Variants in CUL4A observed in about 807,000 individuals in gnomAD.
CUL4A encodes the protein cullin-4A.
In CUL4A, 16 loss-of-function variants were observed where a neutral mutation model predicts 95.5. That is an observed-to-expected ratio of 0.17 (90% CI 0.11 to 0.25). The LOEUF (loss-of-function observed/expected upper bound fraction) is 0.25. Among genes scored for constraint, CUL4A ranks in the 10% least tolerant of loss-of-function variants. The probability of loss-of-function intolerance (pLI) is 1.00; values close to 1 mark genes in which losing one functional copy is unlikely to be tolerated. For missense variants in CUL4A, 610 were observed against 937.0 expected (o/e 0.65, Z 4.56); for synonymous variants, 380 against 353.1 (o/e 1.08, Z -0.85).
At chr13:113,249,032 A>G (rs1431193990) in intron 15 of CUL4A, among the ~76,000 whole-genome samples, 1 of 152,140 alleles carries the variant, frequency 6.6e-6, no homozygotes, top group African/African-American at 2.4e-5. Flanking sequence ...GAATTTTTCC[A>G]TCATTCCATT....
chr13:113,210,518 A>G (rs1322211609), intron 2 of CUL4A, among the ~76,000 whole-genome samples: 1 of 152,234 alleles, frequency 6.6e-6, no homozygotes, highest in Admixed American at 6.5e-5. Flanking sequence ...AAAATTCAAA[A>G]TTCAGAAAAA....
At chr13:113,212,928 T>C (rs373657440) in intron 2 of CUL4A, among the ~76,000 whole-genome samples, 5 of 152,198 alleles carry the variant, frequency 3.3e-5, no homozygotes, top group African/African-American at 1.2e-4. Flanking sequence ...AATCAGGGTG[T>C]GTTGGCCCCC....
chr13:113,220,823 G>A (rs2040869303), intron 3 of CUL4A, among the ~76,000 whole-genome samples: 1 of 152,196 alleles, frequency 6.6e-6, no homozygotes. Flanking sequence ...CCCCATGCCT[G>A]ATTTCTACCC....
chr13:113,252,163 G>A (rs996873139), intron 15 of CUL4A, among the ~76,000 whole-genome samples: 1 of 152,210 alleles, frequency 6.6e-6, no homozygotes, highest in Non-Finnish European at 1.5e-5. Flanking sequence ...GGATCCGGGC[G>A]ATGGGAAAGG....
intron 3 of CUL4A, among the ~76,000 whole-genome samples, chr13:113,225,368 A>G (rs1268301132): frequency 2.0e-5 from 3 of 152,216 alleles, no homozygotes; most frequent in Admixed American, 2.0e-4. Flanking sequence ...TAAATGCCAC[A>G]CTGATTTTAG....
chr13:113,219,239 C>T (rs1008837531), intron 3 of CUL4A, 191 bp downstream of exon 3: 2 of 481,528 alleles, frequency 4.2e-6, no homozygotes, highest in Non-Finnish European at 7.3e-6. Context: ...TAAAGGGAAA[C>T]CGTGTTCATT....
chr13:113,208,546 G>T, upstream of CUL4A: 5 of 1,591,896 alleles, frequency 3.1e-6, no homozygotes, highest in Non-Finnish European at 4.3e-6. Flanking sequence ...GGGGACACAC[G>T]GAACACGCCG....
In CUL4A at chr13:113,227,994, T is replaced by A; in HGVS notation, c.387T>A (p.Val129=). The part of the protein sequence containing the change: ...LPFREDSLDS[V]LFLKKINTCW... ...TCTGTACAGACTCACTAGATAGTGT[T>A]TTATTTTTAAAGAAGATTAACACGT... The change falls in exon 4 of 20, where the codon GTT becomes GTA. Residue 129 remains valine, a synonymous_variant. Coordinates refer to ENST00000375440, the MANE Select transcript of CUL4A (RefSeq NM_001008895.4). 1 of 1,612,566 alleles carries A rather than the reference T, an allele frequency of 6.2e-7. No individual in the cohort carries two copies. Among genetic ancestry groups the A allele is most frequent in the Non-Finnish European group, 8.5e-7 (1 of 1,178,528 alleles).
chr13:113,252,258 C>T (rs372922194), intron 15 of CUL4A, among the ~76,000 whole-genome samples: 79 of 152,244 alleles, frequency 5.2e-4, no homozygotes, highest in Non-Finnish European at 8.8e-4. Context: ...GTAAGAAATT[C>T]ACTCAAGGCC....
chr13:113,247,607 G>A (rs1444993754), intron 15 of CUL4A, among the ~76,000 whole-genome samples: 1 of 152,178 alleles, frequency 6.6e-6, no homozygotes, highest in South Asian at 2.1e-4. Flanking sequence ...TCTCATTCCA[G>A]GAGAACTTTG....
chr13:113,254,363 C>G (rs977293880), intron 16 of CUL4A, among the ~76,000 whole-genome samples: 1 of 152,142 alleles, frequency 6.6e-6, no homozygotes, highest in Non-Finnish European at 1.5e-5. Context: ...CCTGGGGAGG[C>G]CGAGGTGGGT....
At chr13:113,208,248 G>A, upstream of CUL4A, 3 of 1,444,828 alleles carry the variant, frequency 2.1e-6, no homozygotes, top group Non-Finnish European at 2.7e-6. Context: ...ACCGCCCACA[G>A]CGGGCCCTCG....
At chr13:113,229,001 G>A (rs1819204) in intron 4 of CUL4A, among the ~76,000 whole-genome samples, 100,223 of 151,422 alleles carry the variant, frequency 0.66, 34,211 homozygotes, top group Middle Eastern at 0.79. Context: ...GGTGGTGGGC[G>A]CCTGTAGTCC....
chr13:113,252,966 A>G, intron 15 of CUL4A, 116 bp from the exon 16 acceptor site: 1 of 543,814 alleles, frequency 1.8e-6, no homozygotes, highest in Non-Finnish European at 3.3e-6. Context: ...GTGTGAGAAT[A>G]TAGAGCTGAC....
rs1416440096 is a variant in CUL4A, at chr13:113,210,040, C to A, written c.216C>A (p.Ala72=). Residue 72 remains alanine (A), a synonymous_variant, in exon 2 of 20, where the codon GCC becomes GCA. Coordinates refer to ENST00000375440, the MANE Select transcript of CUL4A (RefSeq NM_001008895.4). ...GGAAGCTGCACGAGGCGGTGCGGGC[C>A]GTGCAGAGCAGCACCTCCATCAGGT... ...TWRKLHEAVR[A]VQSSTSIRYN... 2 of 1,525,608 alleles carry A rather than the reference C, an allele frequency of 1.3e-6. No individual in the cohort carries two copies. The highest frequency in any genetic ancestry group is 1.2e-5 in the South Asian group (1 of 81,838). 94.5% of individuals were successfully genotyped at this position (1,525,608 alleles called of 1,614,324 possible).
upstream of CUL4A, chr13:113,208,410 AG>A: frequency 6.8e-7 from 1 of 1,480,376 alleles, no homozygotes; most frequent in Admixed American, 2.2e-5. Flanking sequence ...CCTGCAGGGG[AG>A]AACTCGGGCC....
intron 6 of CUL4A, 31 bp downstream of exon 6, chr13:113,233,370 G>A: frequency 6.3e-7 from 1 of 1,590,156 alleles, no homozygotes; most frequent in Non-Finnish European, 8.6e-7. Flanking sequence ...AGATACCTGG[G>A]TACCTGCCCA....
chr13:113,251,909 G>A (rs1020549907), intron 15 of CUL4A, among the ~76,000 whole-genome samples: 6 of 152,200 alleles, frequency 3.9e-5, no homozygotes, highest in Non-Finnish European at 7.3e-5. Flanking sequence ...TGGAGTGGAC[G>A]AGAGCAGGGG....
At chr13:113,230,961 C>G (rs1217388393) in intron 5 of CUL4A, among the ~76,000 whole-genome samples, 2 of 152,008 alleles carry the variant, frequency 1.3e-5, no homozygotes, top group African/African-American at 4.8e-5. Flanking sequence ...TTTGTAGTGC[C>G]AGGATCTTGC....
Sources: gnomAD v4.1 joint callset for allele counts (sites outside exome capture counted in the v4.1 genomes callset) on GRCh38, gnomAD v4.1.1 for gene constraint, MANE v1.5 for transcripts, NCBI Gene and HGNC (gene_info 2026-07-23, HGNC 2026-07-21) for gene names.